The following REV1 variants were observed in gnomAD, a reference collection of about 807,000 sequenced individuals.
REV1 encodes REV1 DNA directed polymerase, also known as translesion synthesis protein REV1.
Under a neutral mutation model 137.4 loss-of-function variants are expected in REV1, and 42 were observed. The ratio of observed to expected loss-of-function variants is 0.31; its 90% CI spans 0.24 to 0.40. REV1 has a LOEUF of 0.40. REV1 is among the 10% of genes least tolerant of loss of function. The pLI is 1.00. For synonymous variants in REV1, 524 were observed against 519.2 expected, an observed-to-expected ratio of 1.01 and a Z score of -0.12; for missense variants, 1,282 against 1,490.1, an observed-to-expected ratio of 0.86 and a Z score of 2.30.
chr2:99,401,509 G>A (rs1675405893), intron 22 of REV1, among the ~76,000 whole-genome samples, 157 bp from the exon 23 acceptor site: 3 of 151,984 alleles, frequency 2.0e-5, no homozygotes, highest in South Asian at 4.2e-4. Flanking sequence ...CACTTTGGGA[G>A]GCCGAGGAGG....
intron 12 of REV1, among the ~76,000 whole-genome samples, chr2:99,413,302 A>G (rs1302634771): frequency 6.6e-6 from 1 of 152,242 alleles, no homozygotes; most frequent in Admixed American, 6.5e-5. Flanking sequence ...TGTCATTTAA[A>G]CAAGTCTATA....
At chr2:99,464,511 AAC>A (rs1684589209) in intron 2 of REV1, among the ~76,000 whole-genome samples, 1 of 152,210 alleles carries the variant, frequency 6.6e-6, no homozygotes, top group African/African-American at 2.4e-5. Context: ...ATTTCTTTGT[AAC>A]ACATTGTTTT....
chr2:99,455,355 A>G (rs1683416715), intron 3 of REV1, among the ~76,000 whole-genome samples: 1 of 152,172 alleles, frequency 6.6e-6, no homozygotes, highest in Admixed American at 6.5e-5. Flanking sequence ...CCTGTCCCTC[A>G]GTTTCTGCAG....
chr2:99,419,227 T>TTTG (rs1553545259), intron 11 of REV1, among the ~76,000 whole-genome samples: 16 of 141,182 alleles, frequency 1.1e-4, no homozygotes, highest in African/African-American at 3.3e-4. Context: ...TTTTTTTTTT[T>TTTG]GGGGGATGGA....
rs1675658966 is a variant in REV1, at chr2:99,402,791, A to G, written c.3394T>C (p.Ser1132Pro). ...PPAEKPLEEL[S>P]ASTSGVPGLS... ...CCTGGCACACCTGAAGTAGAAGCAG[A>G]GAGTTCTTCCTGTTAAGAAAACAAA... Residue 1132 changes from serine to proline, a missense_variant, in exon 21 of 23, where the codon TCT becomes CCT. Transcript: ENST00000258428. 6 of 1,614,242 alleles carry G rather than the reference A, an allele frequency of 3.7e-6. No individual in the cohort carries two copies. Among genetic ancestry groups the G allele is most frequent in the Non-Finnish European group, 5.1e-6 (6 of 1,180,038 alleles).
intron 5 of REV1, among the ~76,000 whole-genome samples, chr2:99,440,085 T>C (rs1681287185): frequency 6.6e-6 from 1 of 152,186 alleles, no homozygotes; most frequent in African/African-American, 2.4e-5. Flanking sequence ...GAAATGCATA[T>C]TTAGATGCCA....
chr2:99,456,653 C>T (rs1683569331), intron 3 of REV1, among the ~76,000 whole-genome samples: 1 of 152,206 alleles, frequency 6.6e-6, no homozygotes. Context: ...TAAGACCTAA[C>T]AACACAAGAC....
At chr2:99,433,940 C>G (rs1680420760) in intron 8 of REV1, among the ~76,000 whole-genome samples, 1 of 144,208 alleles carries the variant, frequency 6.9e-6, no homozygotes, top group Non-Finnish European at 1.5e-5. Flanking sequence ...CTTTTAATTC[C>G]AATAAATTAA....
At position 99,449,332 on chromosome 2, in the gene REV1, T is replaced by G. The variant is rs770363119; in HGVS notation, c.350+4A>C. The G allele has an allele frequency of 2.7e-6, 4 of 1,472,854 alleles. No individual in the cohort carries two copies. The highest frequency in any genetic ancestry group is 3.6e-6 in the Non-Finnish European group (4 of 1,103,490). 91.2% of individuals were successfully genotyped at this position (1,472,854 alleles called of 1,614,324 possible). On this transcript the variant is annotated splice_donor_region_variant and intron_variant, in intron 4 of 22. Coordinates refer to ENST00000258428, the MANE Select transcript of REV1 (RefSeq NM_016316.4). Reference sequence around the variant, plus strand: ...ATTAATTAAATTTAATAAATTAAACTTACCTTTCCACAATCCATTCTGGTC... The same window carrying G: ...ATTAATTAAATTTAATAAATTAAACGTACCTTTCCACAATCCATTCTGGTC...
At chr2:99,406,249 C>A in intron 16 of REV1, 76 bp downstream of exon 16, 1 of 1,480,156 alleles carries the variant, frequency 6.8e-7, no homozygotes, top group South Asian at 1.4e-5. Context: ...AAAGCTGTGT[C>A]AATTTTAAAA....
At chr2:99,469,564 C>G (rs1685172697) in intron 1 of REV1, among the ~76,000 whole-genome samples, 1 of 152,206 alleles carries the variant, frequency 6.6e-6, no homozygotes, top group Non-Finnish European at 1.5e-5. Context: ...GAGAGCAGCT[C>G]TGTCTATGAG....
At chr2:99,465,951 A>AT (rs1039650692) in intron 1 of REV1, among the ~76,000 whole-genome samples, 1 of 151,558 alleles carries the variant, frequency 6.6e-6, no homozygotes, top group Non-Finnish European at 1.5e-5. Flanking sequence ...TTTATTTATT[A>AT]TTTTTTTTGA....
chr2:99,418,749 T>G (rs534548766), intron 12 of REV1, 79 bp downstream of exon 12: 1 of 1,310,860 alleles, frequency 7.6e-7, no homozygotes, highest in South Asian at 1.6e-5. Flanking sequence ...CAAAAAGAGG[T>G]CTCACAGTTC....
At chr2:99,423,172 G>A (rs1224713700) in intron 10 of REV1, among the ~76,000 whole-genome samples, 1 of 152,112 alleles carries the variant, frequency 6.6e-6, no homozygotes, top group Non-Finnish European at 1.5e-5. Flanking sequence ...ACTAAAGCAA[G>A]CTCCCACAAG....
At chr2:99,429,679 G>A (rs1679859437) in intron 9 of REV1, among the ~76,000 whole-genome samples, 161 bp downstream of exon 9, 1 of 151,410 alleles carries the variant, frequency 6.6e-6, no homozygotes, top group African/African-American at 2.4e-5. Context: ...TCTAGCACTG[G>A]TGGGGGGTTG....
At chr2:99,419,127 G>C (rs1379574190) in intron 11 of REV1, among the ~76,000 whole-genome samples, 180 bp from the exon 12 acceptor site, 1 of 151,858 alleles carries the variant, frequency 6.6e-6, no homozygotes, top group Admixed American at 6.6e-5. Flanking sequence ...AGAGTACCTG[G>C]ACAGAGGTTT....
In REV1 at chr2:99,415,206, T is replaced by G. The variant is rs183748755; in HGVS notation, c.1952-2255A>C. 6.1e-3 allele frequency among the ~76,000 whole-genome samples: 928 copies of G among 152,228 alleles called. 6 individuals are homozygous for G. The highest frequency in any genetic ancestry group is 8.6e-3 in the Admixed American group (131 of 15,286). On this transcript the variant is annotated intron_variant, in intron 12 of 22. Transcript: ENST00000258428. ...TAAATACGTCAATTAAGTAGGTGTT[T>G]ATAAGGGAAAGATGGCAACTCTATG...
chr2:99,417,699 A>G (rs1297381433), intron 12 of REV1, among the ~76,000 whole-genome samples: 1 of 152,124 alleles, frequency 6.6e-6, no homozygotes. Flanking sequence ...GAGACAACGC[A>G]TTTCTGTTGT....
chr2:99,429,338 C>G (rs1022468617), intron 9 of REV1, among the ~76,000 whole-genome samples: 1 of 152,080 alleles, frequency 6.6e-6, no homozygotes, highest in African/African-American at 2.4e-5. Flanking sequence ...TTGGTGCTAA[C>G]AAGTTGACAA....
Sources: gnomAD v4.1 joint callset for allele counts (sites outside exome capture counted in the v4.1 genomes callset) on GRCh38, gnomAD v4.1.1 for gene constraint, MANE v1.5 for transcripts, NCBI Gene and HGNC (gene_info 2026-07-23, HGNC 2026-07-21) for gene names.